The following ETS1 variants were observed in gnomAD, a reference collection of about 807,000 sequenced individuals.
ETS1 encodes the protein ETS proto-oncogene 1, transcription factor.
Under a neutral mutation model 58.6 loss-of-function variants are expected in ETS1, and 15 were observed. That is an observed-to-expected ratio of 0.26 (90% CI 0.17 to 0.39). The LOEUF is 0.39. Among genes scored for constraint, ETS1 ranks in the 10% least tolerant of loss-of-function variants. The pLI is 1.00. For missense variants in ETS1, 417 were observed against 610.5 expected (o/e 0.68, Z 3.34); for synonymous variants, 214 against 218.2 (o/e 0.98, Z 0.17).
At chr11:128,521,119 T>C (rs998650420) in intron 3 of ETS1, among the ~76,000 whole-genome samples, 1 of 149,744 alleles carries the variant, frequency 6.7e-6, no homozygotes, top group Non-Finnish European at 1.5e-5. Context: ...TTAGCACCAA[T>C]ATTTGTGTCA....
chr11:128,489,966 A>T (rs1235444489), intron 4 of ETS1, among the ~76,000 whole-genome samples: 1 of 152,246 alleles, frequency 6.6e-6, no homozygotes, highest in African/African-American at 2.4e-5. Context: ...TGTAGCAATT[A>T]GTAGTAGTCA....
intron 3 of ETS1, among the ~76,000 whole-genome samples, chr11:128,550,862 A>G (rs1020496709): frequency 3.9e-5 from 6 of 152,218 alleles, no homozygotes; most frequent in Non-Finnish European, 7.3e-5. Flanking sequence ...TTCCTCACTG[A>G]GCTAGAAAAT....
intron 3 of ETS1, among the ~76,000 whole-genome samples, chr11:128,501,254 C>T (rs1018054741): frequency 6.6e-6 from 1 of 152,128 alleles, no homozygotes; most frequent in African/African-American, 2.4e-5. Context: ...AGGTGAACAT[C>T]GTGCTTCTCA....
chr11:128,503,766 C>G (rs1408129597), intron 3 of ETS1, among the ~76,000 whole-genome samples: 1 of 152,170 alleles, frequency 6.6e-6, no homozygotes, highest in East Asian at 1.9e-4. Flanking sequence ...ACATGGGAAC[C>G]ACATGGTAGG....
rs575180500 is a variant in ETS1 at position 128,576,120 on chromosome 11, C to G, written c.-14-2976G>C. The stretch of plus-strand genomic sequence containing the variant: ...ATGACACTTCCCTTGGGGAAAAGCC[C>G]TTTGCCCAGAGAGGAAACTGACAAG... On this transcript the variant is annotated intron_variant, in intron 1 of 9. Transcript: ENST00000392668. 2.3e-4 allele frequency among the ~76,000 whole-genome samples: 35 copies of G among 152,220 alleles called. 1 individual carries two copies. Among genetic ancestry groups the G allele is most frequent in the Admixed American group, 6.5e-4 (10 of 15,290 alleles).
intron 3 of ETS1, among the ~76,000 whole-genome samples, chr11:128,511,088 T>C (rs553773775): frequency 1.3e-5 from 2 of 152,314 alleles, no homozygotes; most frequent in South Asian, 4.1e-4. Context: ...GCCTCCTTGG[T>C]ACAGTTCTTT....
At chr11:128,569,315 C>CTTTTTTTTTTTTTTTT (rs1864572866) in intron 2 of ETS1, among the ~76,000 whole-genome samples, 6 of 35,140 alleles carry the variant, frequency 1.7e-4, no homozygotes, top group Non-Finnish European at 3.6e-4. Context: ...GACAGAGTTT[C>CTTTTTTTTTTTTTTTT]TTCTTTTTTT....
chr11:128,563,210 A>G (rs1410005913), intron 2 of ETS1, among the ~76,000 whole-genome samples: 3 of 152,202 alleles, frequency 2.0e-5, no homozygotes, highest in Admixed American at 2.0e-4. Context: ...CCTAGGGTTT[A>G]GCCTTAGTAC....
At chr11:128,529,339 TG>T (rs889159643) in intron 3 of ETS1, among the ~76,000 whole-genome samples, 1 of 151,922 alleles carries the variant, frequency 6.6e-6, no homozygotes, top group Non-Finnish European at 1.5e-5. Flanking sequence ...GAAGTAGAAA[TG>T]GGGGGACATG....
At chr11:128,482,718 T>C (rs1407621783) in intron 7 of ETS1, among the ~76,000 whole-genome samples, 6 of 152,324 alleles carry the variant, frequency 3.9e-5, no homozygotes, top group East Asian at 3.9e-4. Flanking sequence ...CCAACTGGAT[T>C]AGATACTCAG....
At chr11:128,493,691 G>A (rs1862863460) in intron 3 of ETS1, among the ~76,000 whole-genome samples, 1 of 152,196 alleles carries the variant, frequency 6.6e-6, no homozygotes, top group African/African-American at 2.4e-5. Flanking sequence ...TATAAAGTGT[G>A]GAATTGTAGT....
At chr11:128,520,224 T>G (rs1863629088) in intron 3 of ETS1, among the ~76,000 whole-genome samples, 1 of 152,242 alleles carries the variant, frequency 6.6e-6, no homozygotes, top group African/African-American at 2.4e-5. Context: ...ATACATTGTC[T>G]CTAATATTTA....
At chr11:128,497,116 G>A (rs997129451) in intron 3 of ETS1, among the ~76,000 whole-genome samples, 9 of 152,226 alleles carry the variant, frequency 5.9e-5, no homozygotes, top group South Asian at 4.1e-4. Flanking sequence ...TAACCCTTTC[G>A]AAGTCACCAG....
chr11:128,464,174 A>G lies in ETS1; in HGVS notation c.1124-547T>C, dbSNP rs1861972547. ...ATAGATGTTAAATATCTGTTCAGTC[A>G]TAATATTTCTCTCCACTGCCACCAC... is the stretch of plus-strand genomic sequence containing the variant. On this transcript the variant is annotated intron_variant, in intron 8 of 9. Transcript: ENST00000392668. This position sits in a 1 kb window ranked among gnomAD's most constrained non-coding sequence, Gnocchi z 4.1. 6.6e-6 allele frequency among the ~76,000 whole-genome samples: 1 copy of G among 151,838 alleles called. No individual in the cohort carries two copies. The highest frequency in any genetic ancestry group is 1.5e-5 in the Non-Finnish European group (1 of 67,968).
chr11:128,521,970 G>T, intron 3 of ETS1: 1 of 1,600,436 alleles, frequency 6.2e-7, no homozygotes, highest in Non-Finnish European at 8.5e-7. Flanking sequence ...GTGAGAGTCG[G>T]CTTGAGATCG....
chr11:128,491,367 T>C (rs993209696), intron 3 of ETS1, among the ~76,000 whole-genome samples: 23 of 152,228 alleles, frequency 1.5e-4, no homozygotes, highest in African/African-American at 5.5e-4. Context: ...CAGTTAAATG[T>C]TCAAATGCAA....
In ETS1 at chr11:128,462,241, G is replaced by A. The variant is rs1014019913; in HGVS notation, c.*120C>T. ...TGCAACTGACTTAGCTCCCACCCCTGAAGGTAAAAAATGAGTTCTGGAAAA... is the reference window on the plus strand; with the variant it reads ...TGCAACTGACTTAGCTCCCACCCCTAAAGGTAAAAAATGAGTTCTGGAAAA... On this transcript the variant is annotated 3_prime_UTR_variant, in exon 10 of 10. Transcript: ENST00000392668. 2.6e-6 allele frequency: 2 copies of A among 779,284 alleles called. No homozygotes were observed. Among genetic ancestry groups the A allele is most frequent in the East Asian group, 2.7e-5 (1 of 37,004 alleles). The allele number at this position is 779,284 out of a possible 1,614,324, so 48.3% of individuals were successfully genotyped here.
rs919132699 is a variant in ETS1 at position 128,462,179 on chromosome 11, G to A, written c.*182C>T. The A allele has an allele frequency of 1.3e-5, 7 of 554,722 alleles. No individual in the cohort carries two copies. The African/African-American group carries it at 1.3e-4, about 10-fold the overall frequency. The allele number at this position is 554,722 out of a possible 1,614,324, so 34.4% of individuals were successfully genotyped here. On this transcript the variant is annotated 3_prime_UTR_variant, in exon 10 of 10. Transcript: ENST00000392668. ...TGGTCCCACCCACCCCACAAGTCCT[G>A]GCTTTCCTTTCCCAACTGCGCACAA...
chr11:128,562,965 GA>G (rs71916257), intron 2 of ETS1, among the ~76,000 whole-genome samples: 6,838 of 107,242 alleles, frequency 0.064, 265 homozygotes, highest in Admixed American at 0.19. Context: ...CCCAAAAATT[GA>G]AAAAAAAAAA....
Sources: allele counts gnomAD v4.1 joint callset (sites outside exome capture counted in the v4.1 genomes callset), GRCh38; gene constraint gnomAD v4.1.1; non-coding constraint Gnocchi (gnomAD v3.1); transcripts MANE v1.5; gene names NCBI Gene and HGNC (gene_info 2026-07-23, HGNC 2026-07-21).